The following KANSL3 variants were observed in gnomAD, a reference collection of about 807,000 sequenced individuals.
KANSL3 encodes KAT8 regulatory NSL complex subunit 3.
In KANSL3, 16 loss-of-function variants were observed where a neutral mutation model predicts 89.2. The ratio of observed to expected loss-of-function variants is 0.18; its 90% CI spans 0.12 to 0.27. The LOEUF (loss-of-function observed/expected upper bound fraction) is 0.27, where lower values mean the gene tolerates loss of function less well. Ranked by LOEUF, KANSL3 falls within the 10% of genes least tolerant of loss-of-function variation. The probability of loss-of-function intolerance (pLI) is 1.00; values close to 1 mark genes in which losing one functional copy is unlikely to be tolerated. For missense variants in KANSL3, 879 were observed against 1,110.6 expected, an observed-to-expected ratio of 0.79 and a Z score of 2.96; for synonymous variants, 385 against 419.7, an observed-to-expected ratio of 0.92 and a Z score of 1.01.
intron 14 of KANSL3, among the ~76,000 whole-genome samples, chr2:96,607,428 A>C (rs530577640): frequency 1.3e-5 from 2 of 152,118 alleles, no homozygotes; most frequent in African/African-American, 4.8e-5. Context: ...CCAGCTCGCC[A>C]ATCAGCCTTC....
the KANSL3 span, among the ~76,000 whole-genome samples, chr2:96,585,133 T>C: frequency 6.6e-6 from 1 of 152,094 alleles, no homozygotes. Flanking sequence ...CAAAAATAAA[T>C]AGATGGGACC....
intron 20 of KANSL3, chr2:96,598,308 T>A (rs1188672618): frequency 5.6e-6 from 1 of 178,286 alleles, no homozygotes. Flanking sequence ...CCCTTTTACA[T>A]AACTAGACAA....
intron 3 of KANSL3, chr2:96,628,494 A>G (rs1267147765): frequency 1.7e-5 from 3 of 176,278 alleles, no homozygotes; most frequent in Non-Finnish European, 1.2e-5. Flanking sequence ...TACAAAAACT[A>G]CAAAAATTAA....
chr2:96,612,244 TC>T (rs1333079869), intron 9 of KANSL3, 37 bp downstream of exon 9: 1 of 1,457,392 alleles, frequency 6.9e-7, no homozygotes, highest in Non-Finnish European at 9.6e-7. Flanking sequence ...TGGTATTCCA[TC>T]CCAGGACAAC....
At chr2:96,591,770 C>T (rs1345375505), downstream of KANSL3, among the ~76,000 whole-genome samples, 1 of 152,112 alleles carries the variant, frequency 6.6e-6, no homozygotes, top group Non-Finnish European at 1.5e-5. Flanking sequence ...ACCAGCCATC[C>T]ATAAAGGGTT....
chr2:96,621,276 G>A (rs1466361402), intron 3 of KANSL3, among the ~76,000 whole-genome samples: 1 of 152,158 alleles, frequency 6.6e-6, no homozygotes, highest in African/African-American at 2.4e-5. Flanking sequence ...AGCACTTTGG[G>A]AGGCCAAGGT....
At chr2:96,631,067 A>C (rs1391121938) in intron 3 of KANSL3, among the ~76,000 whole-genome samples, 2 of 152,252 alleles carry the variant, frequency 1.3e-5, no homozygotes, top group African/African-American at 2.4e-5. Flanking sequence ...TTCAACAAAC[A>C]TTATATGCCT....
chr2:96,606,190 G>C (rs1301990279), intron 14 of KANSL3: 1 of 152,442 alleles, frequency 6.6e-6, no homozygotes, highest in Non-Finnish European at 1.5e-5. Context: ...CCACCCAAAA[G>C]TAACAGGGCA....
intron 5 of KANSL3, among the ~76,000 whole-genome samples, chr2:96,614,702 T>C (rs1469996504): frequency 7.1e-5 from 10 of 140,330 alleles, no homozygotes; most frequent in African/African-American, 2.7e-4. Context: ...ACCCGGGAGG[T>C]GGAGGTTGTG....
At position 96,631,002 on chromosome 2, in the gene KANSL3, C is replaced by T. The variant is rs145357900; in HGVS notation, c.386+310G>A. Among the ~76,000 whole-genome samples the T allele has an allele frequency of 5.5e-3, 842 of 152,326 alleles. 11 individuals carry two copies. Among genetic ancestry groups the T allele is most frequent in the African/African-American group, 0.019 (792 of 41,568 alleles). The stretch of plus-strand genomic sequence containing the variant: ...GGTAACCCCTATATCATAACTTATA[C>T]AACAGAAGCTACTACAGAGCTAGTC... On this transcript the variant is annotated intron_variant, in intron 3 of 20. Transcript: ENST00000431828.
Position 96,612,494 on chromosome 2 carries a change from T to C in KANSL3, c.982A>G (p.Met328Val). The change falls in exon 8 of 21, where the codon ATG becomes GTG. Residue 328 changes from methionine to valine, a missense_variant. Physicochemically the swap from Met to Val is conservative, Grantham distance 21. Around this residue, in one of 6 missense-constraint regions of KANSL3, gnomAD observed 198 missense variants for 260.3 expected, o/e 0.76. Coordinates refer to ENST00000431828, the MANE Select transcript of KANSL3 (RefSeq NM_001115016.3). ...ACTTTGCTTCTCACTGCCCCAATCATATGCTCGAGACACTGTAGAACTCCT... is the reference window on the plus strand; with the variant it reads ...ACTTTGCTTCTCACTGCCCCAATCACATGCTCGAGACACTGTAGAACTCCT... Reference protein sequence around the residue: ...GVGVLQCLEHMIGAVRSKVLE... With the variant: ...GVGVLQCLEHVIGAVRSKVLE... The C allele has an allele frequency of 6.2e-7, 1 of 1,613,902 alleles. No homozygotes were observed. Among genetic ancestry groups the C allele is most frequent in the Non-Finnish European group, 8.5e-7 (1 of 1,179,852 alleles).
At chr2:96,628,477 CA>C (rs2072797094) in intron 3 of KANSL3, 2 of 181,686 alleles carry the variant, frequency 1.1e-5, no homozygotes, top group African/African-American at 4.7e-5. Context: ...TGGTGAAACC[CA>C]ATCTCTACAA....
At position 96,609,056 on chromosome 2, in the gene KANSL3, A is replaced by C. The variant is rs1247433030; in HGVS notation, c.1392T>G (p.Ile464Met). Residue 464 changes from isoleucine (I) to methionine (M), a missense_variant, in exon 13 of 21, where the codon ATT becomes ATG. Physicochemically the swap from Ile to Met is conservative, Grantham distance 10. This residue lies in a region of KANSL3 where 198 missense variants were observed against 260.3 expected (regional missense o/e 0.76). Coordinates refer to ENST00000431828, the MANE Select transcript of KANSL3 (RefSeq NM_001115016.3). ...TGAGCACTCCAGTCAGAAAGTCCAC[A>C]ATCTCATCCTAGTGTAGAGAGGAGC... ...SMVDRCIQDEIVDFLTGVLTR... is the reference protein window; with the variant it reads ...SMVDRCIQDEMVDFLTGVLTR... The C allele has an allele frequency of 3.2e-6, 5 of 1,558,056 alleles. No homozygotes were observed. The highest frequency in any genetic ancestry group is 4.3e-6 in the Non-Finnish European group (5 of 1,150,656).
At chr2:96,609,750 C>T (rs1648726691) in intron 11 of KANSL3, among the ~76,000 whole-genome samples, 188 bp from the exon 12 acceptor site, 1 of 151,842 alleles carries the variant, frequency 6.6e-6, no homozygotes, top group Non-Finnish European at 1.5e-5. Flanking sequence ...ATCATAACAT[C>T]CCATTCATGG....
chr2:96,592,364 T>C (rs2066291224), downstream of KANSL3, among the ~76,000 whole-genome samples: 1 of 152,212 alleles, frequency 6.6e-6, no homozygotes, highest in South Asian at 2.1e-4. Context: ...TAAATCTTTA[T>C]GTATTTATTG....
the KANSL3 span, among the ~76,000 whole-genome samples, chr2:96,584,462 G>T: frequency 1.3e-5 from 2 of 152,056 alleles, no homozygotes; most frequent in African/African-American, 2.4e-5. Context: ...TCTTTATCCT[G>T]GGAACATTCA....
intron 5 of KANSL3, among the ~76,000 whole-genome samples, chr2:96,617,683 C>A (rs1334960195): frequency 6.6e-6 from 1 of 151,890 alleles, no homozygotes; most frequent in African/African-American, 2.4e-5. Flanking sequence ...GCAAGACCGT[C>A]TCTACAAAAA....
In KANSL3 at chr2:96,605,392, T is replaced by C. The variant is rs1483756465; in HGVS notation, c.1861A>G (p.Lys621Glu). 6.2e-7 allele frequency: 1 copy of C among 1,613,734 alleles called. No homozygotes were observed. Among genetic ancestry groups the C allele is most frequent in the Non-Finnish European group, 8.5e-7 (1 of 1,179,776 alleles). Reference protein sequence around the residue: ...GSKTSKRPKIKVSLISQGDTA... With the variant: ...GSKTSKRPKIEVSLISQGDTA... ...TCCCCTTGGGAGATAAGGGACACCT[T>C]GATCTTCGGTCGTTTGGAGGTCTTA... The change falls in exon 15 of 21, where the codon AAG (lysine) becomes GAG (glutamate). Residue 621 changes from lysine to glutamate, a missense_variant. By Grantham distance (56) the Lys-to-Glu change is moderately conservative (BLOSUM62 1). Around this residue, in one of 6 missense-constraint regions of KANSL3, gnomAD observed 317 missense variants for 311.2 expected, o/e 1.02. Transcript: ENST00000431828.
In KANSL3 at chr2:96,630,893, T is replaced by G. The variant is rs150046412; in HGVS notation, c.386+419A>C. The stretch of plus-strand genomic sequence containing the variant: ...CTCAAACATCTGTTAGCTTTTCATG[T>G]GACTTCACAACTTCCATCATCCTAG... On this transcript the variant is annotated intron_variant, in intron 3 of 20. Transcript: ENST00000431828. Among the ~76,000 whole-genome samples, 1,436 of 152,354 alleles carry G rather than the reference T, an allele frequency of 9.4e-3. 40 individuals carry two copies. The highest frequency in any genetic ancestry group is 8.1e-3 in the Non-Finnish European group (550 of 68,036).
Sources: allele counts gnomAD v4.1 joint callset (sites outside exome capture counted in the v4.1 genomes callset), GRCh38; gene constraint gnomAD v4.1.1; regional missense constraint gnomAD v4.1.1; transcripts MANE v1.5; gene names NCBI Gene and HGNC (gene_info 2026-07-23, HGNC 2026-07-21).